The following UBR2 variants were observed in gnomAD, a reference collection of about 807,000 sequenced individuals.
UBR2 encodes the protein ubiquitin protein ligase E3 component n-recognin 2, also known as E3 ubiquitin-protein ligase UBR2.
UBR2 carries 92 observed loss-of-function variants against 247.9 expected under a neutral mutation model. The observed-to-expected ratio is 0.37, with a 90% CI of 0.31 to 0.44. The LOEUF (loss-of-function observed/expected upper bound fraction) is 0.44. UBR2 is among the 20% of genes least tolerant of loss of function. The pLI is 1.00. For missense variants in UBR2, 1,613 were observed against 2,112.6 expected, an observed-to-expected ratio of 0.76 and a Z score of 4.64; for synonymous variants, 672 against 693.5, an observed-to-expected ratio of 0.97 and a Z score of 0.49.
chr6:42,625,162 G>T (rs1248944618), intron 11 of UBR2, among the ~76,000 whole-genome samples: 2 of 152,194 alleles, frequency 1.3e-5, no homozygotes, highest in Non-Finnish European at 2.9e-5. Context: ...GAATTCTCCA[G>T]TGTAACCATT....
At chr6:42,657,001 A>G (rs112340033) in intron 26 of UBR2, among the ~76,000 whole-genome samples, 3,410 of 152,098 alleles carry the variant, frequency 0.022, 109 homozygotes, top group African/African-American at 0.078. Context: ...TTGGGAGATC[A>G]AGGTGGATGA....
At chr6:42,606,527 G>A in intron 6 of UBR2, 62 bp from the exon 7 acceptor site, 2 of 1,419,882 alleles carry the variant, frequency 1.4e-6, no homozygotes, top group Non-Finnish European at 2.0e-6. Flanking sequence ...TTGTTTACTG[G>A]TTTAAAAGTT....
At position 42,619,746 on chromosome 6, in the gene UBR2, C is replaced by G. The variant is rs536472249; in HGVS notation, c.1281+2239C>G. 144 of 164,866 alleles carry G rather than the reference C, an allele frequency of 8.7e-4. 1 individual carries two copies. Among genetic ancestry groups the G allele is most frequent in the African/African-American group, 3.3e-3 (139 of 41,618 alleles). 10.2% of individuals were successfully genotyped at this position (164,866 alleles called of 1,614,324 possible). A position where few individuals can be genotyped will look rare whatever the true frequency, so the allele number is the denominator to read the frequency against. The stretch of plus-strand genomic sequence containing the variant: ...ATTCGGTATCCAAAAAAAAAAAGTT[C>G]TTGCTCTGTCACTCAGGCTGGAGTG... On this transcript the variant is annotated intron_variant, in intron 11 of 46. Transcript: ENST00000372901.
chr6:42,567,071 T>C (rs1043309612), intron 1 of UBR2, among the ~76,000 whole-genome samples: 4 of 152,248 alleles, frequency 2.6e-5, no homozygotes, highest in African/African-American at 9.6e-5. Flanking sequence ...AAAACAGTGA[T>C]TGTAGGCTTT....
intron 30 of UBR2, among the ~76,000 whole-genome samples, chr6:42,660,990 TG>T (rs1250415783): frequency 1.5e-3 from 190 of 122,984 alleles, no homozygotes; most frequent in Non-Finnish European, 2.5e-3. Context: ...TTTGTTTGTT[TG>T]TTTTTAAAAA....
chr6:42,670,496 T>G (rs1158867982), intron 35 of UBR2, among the ~76,000 whole-genome samples, 164 bp from the exon 36 acceptor site: 1 of 152,272 alleles, frequency 6.6e-6, no homozygotes, highest in African/African-American at 2.4e-5. Context: ...TGTTCGTTTT[T>G]ACTTTGTAAC....
Position 42,652,456 on chromosome 6 carries a change from G to A in UBR2, c.2615-35G>A, listed in dbSNP as rs767572828. The A allele has an allele frequency of 3.8e-6, 6 of 1,574,394 alleles. No individual in the cohort carries two copies. In the East Asian group the frequency reaches 6.8e-5, roughly 18 times the overall value. ...AGAGATAGTTTCTAAAGCATGTTCT[G>A]TAAAAGAAACCAATAATAACAACTG... On this transcript the variant is annotated intron_variant, in intron 24 of 46. Transcript: ENST00000372901.
intron 2 of UBR2, among the ~76,000 whole-genome samples, chr6:42,586,536 C>CTTTTTTTT (rs1792277581): frequency 1.2e-5 from 1 of 84,072 alleles, no homozygotes; most frequent in African/African-American, 5.3e-5. Flanking sequence ...CAGTTTGTCT[C>CTTTTTTTT]TCTTTTTTTT....
At position 42,658,225 on chromosome 6, in the gene UBR2, CTT is replaced by C. The variant is rs541129244; in HGVS notation, c.2983-6_2983-5del. Reference sequence around the variant, plus strand: ...TCATATTTCATACAGGATACTGATACTTTTTTTTTTGTAGACTTTTAATGCTG... The same window carrying C: ...TCATATTTCATACAGGATACTGATACTTTTTTTTGTAGACTTTTAATGCTG... On this transcript the variant is annotated splice_polypyrimidine_tract_variant and intron_variant, in intron 27 of 46. Transcript: ENST00000372901. 801 of 1,336,008 alleles carry C rather than the reference CTT, an allele frequency of 6.0e-4. 4 individuals are homozygous for C. In the African/African-American group the frequency reaches 0.01, roughly 17 times the overall value. 82.8% of individuals were successfully genotyped at this position (1,336,008 alleles called of 1,614,324 possible).
chr6:42,604,827 G>T (rs2151928487), intron 5 of UBR2, among the ~76,000 whole-genome samples: 1 of 152,198 alleles, frequency 6.6e-6, no homozygotes. Flanking sequence ...AGGAGTTGGA[G>T]ACCAGCCTGG....
At chr6:42,590,795 G>A (rs989691281) in intron 2 of UBR2, among the ~76,000 whole-genome samples, 2 of 152,172 alleles carry the variant, frequency 1.3e-5, no homozygotes, top group Non-Finnish European at 2.9e-5. Flanking sequence ...AAGATAAAAA[G>A]CAGAGTGATC....
chr6:42,682,313 C>A, intron 42 of UBR2, among the ~76,000 whole-genome samples: 1 of 151,850 alleles, frequency 6.6e-6, no homozygotes, highest in Non-Finnish European at 1.5e-5. Flanking sequence ...TGAAAATGTT[C>A]TGGAGATGGA....
At chr6:42,631,678 G>A (rs1035690577) in intron 11 of UBR2, among the ~76,000 whole-genome samples, 4 of 151,316 alleles carry the variant, frequency 2.6e-5, no homozygotes, top group Admixed American at 2.6e-4. Flanking sequence ...AGAATGACGA[G>A]CATTTGTATG....
intron 1 of UBR2, among the ~76,000 whole-genome samples, chr6:42,565,207 G>A (rs1308717461): frequency 6.6e-6 from 1 of 152,184 alleles, no homozygotes; most frequent in Non-Finnish European, 1.5e-5. Flanking sequence ...CATTAAAACT[G>A]TAATATGAAT....
intron 40 of UBR2, 106 bp downstream of exon 40, chr6:42,676,979 CAT>C (rs1798755518): frequency 2.1e-6 from 2 of 930,652 alleles, no homozygotes; most frequent in East Asian, 5.1e-5. Context: ...TGTCTGTTGA[CAT>C]GTTTTTAAAA....
At chr6:42,578,222 T>C (rs1233981693) in intron 2 of UBR2, among the ~76,000 whole-genome samples, 4 of 151,852 alleles carry the variant, frequency 2.6e-5, no homozygotes, top group Non-Finnish European at 5.9e-5. Flanking sequence ...AGGGTTCTGC[T>C]CCAGGTAGTT....
At chr6:42,657,922 G>T (rs1797532022) in intron 26 of UBR2, 102 bp from the exon 27 acceptor site, 1 of 745,812 alleles carries the variant, frequency 1.3e-6, no homozygotes. Flanking sequence ...CAAATTATGG[G>T]CAATAGGTGT....
chr6:42,625,836 C>T lies in UBR2; in HGVS notation c.1282-6716C>T, dbSNP rs1322895459. Among the ~76,000 whole-genome samples the T allele has an allele frequency of 5.5e-5, 8 of 145,222 alleles. 1 individual carries two copies. Among genetic ancestry groups the T allele is most frequent in the African/African-American group, 1.3e-4 (5 of 39,260 alleles). ...TTCCCCCCTTTTTTTTTTTTTGAGGCGGAGTCTCGCTCTGTCGCCCAGGTT... is the reference window on the plus strand; with the variant it reads ...TTCCCCCCTTTTTTTTTTTTTGAGGTGGAGTCTCGCTCTGTCGCCCAGGTT... On this transcript the variant is annotated intron_variant, in intron 11 of 46. Coordinates refer to ENST00000372901, the MANE Select transcript of UBR2 (RefSeq NM_001363705.2).
chr6:42,636,873 C>A, intron 14 of UBR2, 138 bp from the exon 15 acceptor site: 1 of 853,484 alleles, frequency 1.2e-6, no homozygotes. Flanking sequence ...GAAGAGGGAC[C>A]AAATTTGGGA....
Sources: gnomAD v4.1 joint callset for allele counts (sites outside exome capture counted in the v4.1 genomes callset) on GRCh38, gnomAD v4.1.1 for gene constraint, MANE v1.5 for transcripts, NCBI Gene and HGNC (gene_info 2026-07-23, HGNC 2026-07-21) for gene names.